Variants in GRM5 observed in about 807,000 individuals in gnomAD.
GRM5 encodes the protein metabotropic glutamate receptor 5.
A neutral mutation model predicts 83.1 loss-of-function variants in GRM5; 19 were observed. That is an observed-to-expected ratio of 0.23 (90% CI 0.16 to 0.34). The LOEUF (loss-of-function observed/expected upper bound fraction) is 0.34. Ranked by LOEUF, GRM5 falls within the 10% of genes least tolerant of loss-of-function variation. The pLI is 1.00. For missense variants in GRM5, 1,160 were observed against 1,588.3 expected, an observed-to-expected ratio of 0.73 and a Z score of 4.58; for synonymous variants, 675 against 633.6, an observed-to-expected ratio of 1.07 and a Z score of -0.98.
chr11:88,605,015 G>A (rs529523602), intron 4 of GRM5, 51 bp from the exon 5 acceptor site: 22 of 1,481,750 alleles, frequency 1.5e-5, no homozygotes, highest in Non-Finnish European at 2.0e-5. Context: ...CTACTCTCGC[G>A]ACATTCCTGG....
intron 4 of GRM5, among the ~76,000 whole-genome samples, chr11:88,628,795 C>T (rs1045613064): frequency 3.3e-5 from 5 of 152,188 alleles, no homozygotes; most frequent in African/African-American, 1.2e-4. Context: ...GCTTATATCA[C>T]AATCTAATGT....
At chr11:88,610,973 T>C (rs921572108) in intron 4 of GRM5, among the ~76,000 whole-genome samples, 2 of 152,232 alleles carry the variant, frequency 1.3e-5, no homozygotes, top group Non-Finnish European at 2.9e-5. Context: ...TCTATTGAGA[T>C]GATCACTTGG....
chr11:88,562,557 A>G (rs188353672), intron 8 of GRM5, among the ~76,000 whole-genome samples: 2 of 152,256 alleles, frequency 1.3e-5, no homozygotes, highest in East Asian at 3.9e-4. Context: ...TAGGTAATAA[A>G]TGAACCATTT....
intron 3 of GRM5, among the ~76,000 whole-genome samples, chr11:88,747,443 G>C (rs926007438): frequency 1.3e-5 from 2 of 152,088 alleles, no homozygotes; most frequent in Admixed American, 1.3e-4. Flanking sequence ...TAAACTACCA[G>C]ATCACTAGAC....
rs185378398 is a variant in GRM5, at chr11:88,865,439, C to T, written c.662-15284G>A. 6.9e-4 allele frequency among the ~76,000 whole-genome samples: 105 copies of T among 152,224 alleles called. 2 individuals carry two copies. In the Middle Eastern group the frequency reaches 0.017, roughly 25 times the overall value. ...ATGGATTAAAGACTTAAAAGTAATA[C>T]CTAAAACCATAAAAACTCTAGAAGA... On this transcript the variant is annotated intron_variant, in intron 2 of 9. Coordinates refer to ENST00000305447, the MANE Select transcript of GRM5 (RefSeq NM_001143831.3).
chr11:88,969,532 A>G (rs572746289), intron 2 of GRM5, among the ~76,000 whole-genome samples: 1 of 152,106 alleles, frequency 6.6e-6, no homozygotes, highest in Non-Finnish European at 1.5e-5. Flanking sequence ...CTGGGTACTA[A>G]CAAAATAGAG....
intron 2 of GRM5, among the ~76,000 whole-genome samples, chr11:88,924,850 A>G (rs896876170): frequency 1.3e-5 from 2 of 152,064 alleles, no homozygotes; most frequent in African/African-American, 4.8e-5. Context: ...ACCTATGGAA[A>G]GTGATGGGTA....
At chr11:89,019,363 A>T (rs144053802) in intron 2 of GRM5, among the ~76,000 whole-genome samples, 1 of 152,130 alleles carries the variant, frequency 6.6e-6, no homozygotes, top group East Asian at 1.9e-4. Flanking sequence ...ACCATTCCAT[A>T]CTATCTAGGC....
rs118080050 is a variant in GRM5 at position 88,732,967 on chromosome 11, G to A, written c.912-79564C>T. ...CAATGATTTCTTCAGTGCATTTTCC[G>A]TTTGTTTATGAATTTCCTTAGTACT... On this transcript the variant is annotated intron_variant, in intron 3 of 9. Coordinates refer to ENST00000305447, the MANE Select transcript of GRM5 (RefSeq NM_001143831.3). Among the ~76,000 whole-genome samples the A allele has an allele frequency of 5.4e-3, 824 of 152,046 alleles. 4 individuals carry two copies. The highest frequency in any genetic ancestry group is 8.2e-3 in the Non-Finnish European group (558 of 67,950).
At chr11:88,718,127 A>T (rs1444852473) in intron 3 of GRM5, among the ~76,000 whole-genome samples, 2 of 151,792 alleles carry the variant, frequency 1.3e-5, no homozygotes, top group Non-Finnish European at 2.9e-5. Flanking sequence ...AATTCTTAAA[A>T]CTCTCTGTAA....
chr11:88,723,955 C>CTAT (rs1941610611), intron 3 of GRM5, among the ~76,000 whole-genome samples: 3 of 152,108 alleles, frequency 2.0e-5, no homozygotes, highest in African/African-American at 7.2e-5. Flanking sequence ...GATTGGGCTT[C>CTAT]TATTTGGATA....
intron 4 of GRM5, among the ~76,000 whole-genome samples, chr11:88,650,849 T>C (rs769531850): frequency 2.0e-5 from 3 of 152,028 alleles, no homozygotes; most frequent in Non-Finnish European, 2.9e-5. Context: ...TGTTTAATAG[T>C]TATATGACTG....
intron 8 of GRM5, among the ~76,000 whole-genome samples, chr11:88,552,033 C>G (rs372955038): frequency 1.4e-5 from 2 of 145,898 alleles, no homozygotes; most frequent in South Asian, 4.4e-4. Flanking sequence ...AATGTCACAT[C>G]TTTTTTTTTT....
chr11:88,765,410 A>G (rs1228006918), intron 3 of GRM5, among the ~76,000 whole-genome samples: 3 of 118,180 alleles, frequency 2.5e-5, no homozygotes, highest in Non-Finnish European at 4.0e-5. Flanking sequence ...AAAAAAAAAA[A>G]AAAAACAAAG....
At chr11:88,542,636 G>T (rs530957498) in intron 8 of GRM5, among the ~76,000 whole-genome samples, 1 of 152,138 alleles carries the variant, frequency 6.6e-6, no homozygotes, top group Admixed American at 6.6e-5. Flanking sequence ...TAGATACCTG[G>T]CATAGTACTT....
chr11:88,540,901 C>T (rs1942250381), intron 8 of GRM5, among the ~76,000 whole-genome samples: 1 of 151,642 alleles, frequency 6.6e-6, no homozygotes, highest in Admixed American at 6.6e-5. Context: ...TGCCCACCAC[C>T]ACGCCTGGTT....
chr11:89,007,667 G>A (rs748891680), intron 2 of GRM5, among the ~76,000 whole-genome samples: 4 of 152,180 alleles, frequency 2.6e-5, no homozygotes, highest in Non-Finnish European at 4.4e-5. Flanking sequence ...AATTAAAGGG[G>A]CTTAAGCAGA....
At chr11:89,004,473 A>G (rs1227872892) in intron 2 of GRM5, among the ~76,000 whole-genome samples, 1 of 152,222 alleles carries the variant, frequency 6.6e-6, no homozygotes, top group Admixed American at 6.5e-5. Context: ...CTTCTTTAAA[A>G]TACTTTCTTA....
intron 4 of GRM5, among the ~76,000 whole-genome samples, chr11:88,634,275 T>TATA (rs1939058957): frequency 6.6e-6 from 1 of 152,174 alleles, no homozygotes; most frequent in African/African-American, 2.4e-5. Flanking sequence ...ACACTAAATT[T>TATA]ATAAAAAATA....
Sources: gnomAD v4.1 joint callset for allele counts (sites outside exome capture counted in the v4.1 genomes callset) on GRCh38, gnomAD v4.1.1 for gene constraint, MANE v1.5 for transcripts, NCBI Gene and HGNC (gene_info 2026-07-23, HGNC 2026-07-21) for gene names.